VPS50: variants seen among roughly 807,000 people sequenced by gnomAD.
VPS50 encodes VPS50 subunit of EARP/GARPII complex, also known as syndetin.
Under a neutral mutation model 139.7 loss-of-function variants are expected in VPS50, and 70 were observed. The ratio of observed to expected loss-of-function variants is 0.50; its 90% CI spans 0.41 to 0.61. VPS50 has a LOEUF of 0.61. VPS50 is among the 20% of genes least tolerant of loss of function. The pLI is 0.00. For synonymous variants in VPS50, 365 were observed against 376.7 expected (o/e 0.97, Z 0.36); for missense variants, 921 against 1,133.7 (o/e 0.81, Z 2.69).
At chr7:93,249,396 G>T (rs925214816) in intron 2 of VPS50, among the ~76,000 whole-genome samples, 2 of 151,974 alleles carry the variant, frequency 1.3e-5, no homozygotes, top group Non-Finnish European at 2.9e-5. Flanking sequence ...AAGTTGCCGA[G>T]GGTTAATGAT....
chr7:93,266,813 A>G (rs1032075108), intron 9 of VPS50, among the ~76,000 whole-genome samples: 6 of 152,224 alleles, frequency 3.9e-5, no homozygotes, highest in African/African-American at 7.2e-5. Context: ...TAAAAGCTGT[A>G]CAGTTAATGT....
chr7:93,317,182 C>T (rs1276962603), intron 20 of VPS50, among the ~76,000 whole-genome samples: 1 of 152,178 alleles, frequency 6.6e-6, no homozygotes, highest in South Asian at 2.1e-4. Context: ...TTGCTTTATT[C>T]ATCTTTTATG....
intron 20 of VPS50, 34 bp downstream of exon 20, chr7:93,311,306 A>G (rs746462967): frequency 1.2e-6 from 1 of 858,524 alleles, no homozygotes. Context: ...AAATTATAAC[A>G]GTTAAATTAG....
chr7:93,267,531 G>A (rs1268569671), intron 9 of VPS50, among the ~76,000 whole-genome samples: 1 of 152,172 alleles, frequency 6.6e-6, no homozygotes, highest in Non-Finnish European at 1.5e-5. Flanking sequence ...AGTAAATTTA[G>A]TTCTGGGGAG....
intron 16 of VPS50, among the ~76,000 whole-genome samples, chr7:93,298,252 A>C (rs765927795): frequency 5.3e-5 from 8 of 152,214 alleles, no homozygotes; most frequent in Non-Finnish European, 8.8e-5. Flanking sequence ...ATTTTTTAAA[A>C]ATTTAATTGA....
intron 21 of VPS50, among the ~76,000 whole-genome samples, chr7:93,333,169 G>A (rs533494519): frequency 4.2e-4 from 64 of 152,234 alleles, no homozygotes; most frequent in Admixed American, 9.1e-4. Flanking sequence ...AAAATAAAAT[G>A]TATTAAATAT....
At chr7:93,260,134 G>A (rs930585160) in intron 9 of VPS50, among the ~76,000 whole-genome samples, 6 of 152,274 alleles carry the variant, frequency 3.9e-5, no homozygotes, top group South Asian at 2.1e-4. Context: ...TGTATTCAAT[G>A]TGTTATGTCT....
intron 3 of VPS50, among the ~76,000 whole-genome samples, chr7:93,253,443 G>A (rs1795394356): frequency 6.6e-6 from 1 of 152,212 alleles, no homozygotes; most frequent in Non-Finnish European, 1.5e-5. Context: ...TTCCAGAGGA[G>A]AAATCTGTTT....
chr7:93,272,889 G>A (rs1584413336), intron 11 of VPS50, 156 bp downstream of exon 11: 1 of 502,538 alleles, frequency 2.0e-6, no homozygotes, highest in South Asian at 2.5e-5. Flanking sequence ...GGTTGTTCTT[G>A]TAGACTCAGA....
At chr7:93,342,691 C>T (rs963592790) in intron 23 of VPS50, among the ~76,000 whole-genome samples, 2 of 152,194 alleles carry the variant, frequency 1.3e-5, no homozygotes, top group African/African-American at 4.8e-5. Context: ...CCCGAGCAGC[C>T]GAACTGGGAG....
intron 23 of VPS50, among the ~76,000 whole-genome samples, chr7:93,345,660 A>G (rs1798368983): frequency 6.6e-6 from 1 of 152,226 alleles, no homozygotes; most frequent in African/African-American, 2.4e-5. Context: ...CTGGGATGCA[A>G]GGCTGGTTCA....
chr7:93,320,769 TG>T (rs1266733832), intron 20 of VPS50: 1 of 152,352 alleles, frequency 6.6e-6, no homozygotes. Flanking sequence ...GGAATGGTGG[TG>T]GTGGGGAATG....
chr7:93,252,454 G>A (rs1795363654), intron 2 of VPS50, among the ~76,000 whole-genome samples, 199 bp from the exon 3 acceptor site: 1 of 152,040 alleles, frequency 6.6e-6, no homozygotes, highest in Admixed American at 6.6e-5. Context: ...AAACTGGCTA[G>A]TTTTCTTCTG....
At chr7:93,247,537 A>G (rs1365584548) in intron 2 of VPS50, among the ~76,000 whole-genome samples, 1 of 151,952 alleles carries the variant, frequency 6.6e-6, no homozygotes, top group African/African-American at 2.4e-5. Context: ...ATATTTTCCA[A>G]ATGCCACCAC....
intron 3 of VPS50, 104 bp downstream of exon 3, chr7:93,252,879 A>G: frequency 1.2e-6 from 1 of 814,866 alleles, no homozygotes; most frequent in Non-Finnish European, 1.9e-6. Flanking sequence ...TTTTGGTACC[A>G]GAATAGGTCT....
At chr7:93,256,869 ACCACTCATTGG>A (rs1474031908) in intron 5 of VPS50, among the ~76,000 whole-genome samples, 1 of 152,118 alleles carries the variant, frequency 6.6e-6, no homozygotes, top group African/African-American at 2.4e-5. Flanking sequence ...ACCAATATTG[ACCACTCATTGG>A]CAATATAACA....
intron 20 of VPS50, among the ~76,000 whole-genome samples, chr7:93,313,998 C>T (rs1459004736): frequency 6.6e-6 from 1 of 152,154 alleles, no homozygotes; most frequent in African/African-American, 2.4e-5. Context: ...CATTTTCTCT[C>T]TCCCTGGGAT....
At chr7:93,301,389 A>T (rs998122236) in intron 16 of VPS50, among the ~76,000 whole-genome samples, 2 of 151,966 alleles carry the variant, frequency 1.3e-5, no homozygotes, top group Non-Finnish European at 2.9e-5. Context: ...TTTAGGTAGT[A>T]TACTTCCAGA....
At chr7:93,291,871 A>C in intron 13 of VPS50, 36 bp downstream of exon 13, 1 of 1,414,088 alleles carries the variant, frequency 7.1e-7, no homozygotes. Context: ...TAAAAATTGA[A>C]CTATAAATAT....
Sources: gnomAD v4.1 joint callset for allele counts (sites outside exome capture counted in the v4.1 genomes callset) on GRCh38, gnomAD v4.1.1 for gene constraint, MANE v1.5 for transcripts, NCBI Gene and HGNC (gene_info 2026-07-23, HGNC 2026-07-21) for gene names.